LRRC37A3: variants seen among roughly 807,000 people sequenced by gnomAD.
LRRC37A3 encodes leucine-rich repeat-containing protein 37A3.
A neutral mutation model predicts 106.2 loss-of-function variants in LRRC37A3; 25 were observed. That is an observed-to-expected ratio of 0.24 (90% CI 0.17 to 0.33). The LOEUF (loss-of-function observed/expected upper bound fraction) is 0.33, where lower values mean the gene tolerates loss of function less well. Ranked by LOEUF, LRRC37A3 falls within the 10% of genes least tolerant of loss-of-function variation. The pLI is 1.00. For synonymous variants in LRRC37A3, 305 were observed against 635.8 expected, an observed-to-expected ratio of 0.48 and a Z score of 7.83; for missense variants, 712 against 1,644.9, an observed-to-expected ratio of 0.43 and a Z score of 9.81.
intron 10 of LRRC37A3, among the ~76,000 whole-genome samples, chr17:64,866,113 G>A (rs897312851): frequency 2.0e-4 from 31 of 151,764 alleles, no homozygotes; most frequent in Non-Finnish European, 2.9e-4. Context: ...ATGTCTTTAT[G>A]GCCTTGGTGA....
intron 2 of LRRC37A3, among the ~76,000 whole-genome samples, chr17:64,917,281 T>G (rs1454511969): frequency 7.5e-6 from 1 of 133,580 alleles, no homozygotes; most frequent in African/African-American, 2.8e-5. Flanking sequence ...CCTGAAAATA[T>G]CAAGTGCTAG....
At chr17:64,859,204 G>C (rs373642863) in intron 12 of LRRC37A3, among the ~76,000 whole-genome samples, 7 of 152,032 alleles carry the variant, frequency 4.6e-5, no homozygotes, top group African/African-American at 1.7e-4. Context: ...CACCCACCTT[G>C]GCCTCCCAAA....
chr17:64,887,232 G>A (rs1366593268), intron 6 of LRRC37A3, among the ~76,000 whole-genome samples: 2 of 8,170 alleles, frequency 2.4e-4, no homozygotes, highest in Non-Finnish European at 4.5e-4. Context: ...TAGTCGGGCC[G>A]GGTGCGGTGG....
Position 64,860,467 on chromosome 17 carries a change from C to T in LRRC37A3, c.3679G>A (p.Ala1227Thr), listed in dbSNP as rs1465290776. 6.2e-7 allele frequency: 1 copy of T among 1,613,554 alleles called. No homozygotes were observed. The highest frequency in any genetic ancestry group is 1.3e-5 in the African/African-American group (1 of 74,870). The change falls in exon 12 of 15, where the codon GCG becomes ACG. Residue 1227 changes from alanine (A) to threonine (T), a missense_variant. Ala to Thr is a moderately conservative substitution (Grantham distance 58). Coordinates refer to ENST00000584306, the MANE Select transcript of LRRC37A3 (RefSeq NM_199340.5). ...GGCTTGGTGTAGACGGCGTTTCCCG[C>T]TAACTTCTCAGGCCCCTGCTGTGTG... ...PHTQQGPEKL[A>T]GNAVYTKPSF... is the part of the protein sequence containing the mutation.
chr17:64,872,125 C>T (rs1443469764), intron 8 of LRRC37A3, among the ~76,000 whole-genome samples: 3 of 109,506 alleles, frequency 2.7e-5, no homozygotes, highest in East Asian at 2.8e-4. Flanking sequence ...GAGTGAGACT[C>T]TGTCTCAAAA....
chr17:64,868,570 G>A (rs1422737790), intron 9 of LRRC37A3, 34 bp from the exon 10 acceptor site: 2 of 1,572,776 alleles, frequency 1.3e-6, no homozygotes, highest in African/African-American at 1.4e-5. Flanking sequence ...CATGATATGA[G>A]CCCCAATAAA....
Position 64,857,706 on chromosome 17 carries a change from A to G in LRRC37A3, c.4809+1073T>C, listed in dbSNP as rs1409359929. 3.9e-5 allele frequency among the ~76,000 whole-genome samples: 6 copies of G among 152,278 alleles called. No homozygotes were observed. The East Asian group carries it at 1.2e-3, about 29-fold the overall frequency. On this transcript the variant is annotated intron_variant, in intron 13 of 14. Coordinates refer to ENST00000584306, the MANE Select transcript of LRRC37A3 (RefSeq NM_199340.5). ...TGGAATATTCAGGGAAGGTGTCAAG[A>G]AGAAAGATGAACTTGAGTTGGCTTT...
chr17:64,882,061 AG>A (rs1294702151), intron 8 of LRRC37A3, among the ~76,000 whole-genome samples: 1 of 144,774 alleles, frequency 6.9e-6, no homozygotes, highest in Non-Finnish European at 1.5e-5. Context: ...GCCACTTATT[AG>A]CCGTGTGAAC....
At chr17:64,855,385 G>C (rs1333548002) in intron 14 of LRRC37A3, among the ~76,000 whole-genome samples, 1 of 150,040 alleles carries the variant, frequency 6.7e-6, no homozygotes, top group African/African-American at 2.5e-5. Flanking sequence ...GAAGGCCCCT[G>C]GCCTGGCCTG....
rs756038778 is a variant in LRRC37A3, at chr17:64,860,138, C to G, written c.4008G>C (p.Leu1336=). 1 of 1,613,948 alleles carries G rather than the reference C, an allele frequency of 6.2e-7. No individual in the cohort carries two copies. Among genetic ancestry groups the G allele is most frequent in the South Asian group, 1.1e-5 (1 of 91,080 alleles). ...KVRKKSYLSR[L]MLSNRLPFSA... is the part of the protein sequence containing the mutation. ...AGAACGGAAGCCTGTTTGAGAGCAT[C>G]AGTCTACTCAGATAACTTTTCTTTC... The change falls in exon 12 of 15, where the codon CTG becomes CTC. Residue 1336 remains leucine (L), a synonymous_variant. Coordinates refer to ENST00000584306, the MANE Select transcript of LRRC37A3 (RefSeq NM_199340.5).
intron 12 of LRRC37A3, 29 bp from the exon 13 acceptor site, chr17:64,858,912 TAACTATTCAA>T: frequency 6.8e-7 from 1 of 1,468,178 alleles, no homozygotes; most frequent in Admixed American, 1.8e-5. Context: ...GAATGAGAGC[TAACTATTCAA>T]AACCCCAGTA....
intron 8 of LRRC37A3, among the ~76,000 whole-genome samples, chr17:64,883,196 A>C (rs984365720): frequency 6.6e-6 from 1 of 152,156 alleles, no homozygotes; most frequent in Non-Finnish European, 1.5e-5. Flanking sequence ...CCTTTCCCCA[A>C]TGCAAAACCT....
At chr17:64,910,328 C>T (rs1241853738) in intron 2 of LRRC37A3, 8 of 152,350 alleles carry the variant, frequency 5.3e-5, no homozygotes, top group East Asian at 1.9e-4. Flanking sequence ...TCCATGACAG[C>T]GTGAGCACAA....
chr17:64,872,636 C>T (rs1375011026), intron 8 of LRRC37A3, among the ~76,000 whole-genome samples: 1 of 152,114 alleles, frequency 6.6e-6, no homozygotes, highest in Admixed American at 6.5e-5. Flanking sequence ...CAATGAATAA[C>T]AGTTTGGGGG....
Position 64,881,075 on chromosome 17 carries a change from T to C in LRRC37A3, c.2906+5011A>G, listed in dbSNP as rs541704512. Reference sequence around the variant, plus strand: ...CCCTCACCCAATATGCGCGATGTACTTGGGGAGAAAGTAACCTCTTTCCTT... The same window carrying C: ...CCCTCACCCAATATGCGCGATGTACCTGGGGAGAAAGTAACCTCTTTCCTT... On this transcript the variant is annotated intron_variant, in intron 8 of 14. Transcript: ENST00000584306. 8.6e-6 allele frequency: 6 copies of C among 700,646 alleles called. No homozygotes were observed. In the Admixed American group the frequency reaches 1.0e-4, roughly 12 times the overall value. The allele number at this position is 700,646 out of a possible 1,614,324, so 43.4% of individuals were successfully genotyped here.
At chr17:64,875,124 A>T (rs1183647511) in intron 8 of LRRC37A3, among the ~76,000 whole-genome samples, 1 of 151,924 alleles carries the variant, frequency 6.6e-6, no homozygotes, top group Non-Finnish European at 1.5e-5. Flanking sequence ...AAACAACAAC[A>T]AAAAAAACTG....
chr17:64,868,504 G>A lies in LRRC37A3; in HGVS notation c.3011C>T (p.Thr1004Ile). The A allele has an allele frequency of 6.2e-7, 1 of 1,610,680 alleles. No homozygotes were observed. Among genetic ancestry groups the A allele is most frequent in the East Asian group, 2.2e-5 (1 of 44,838 alleles). Residue 1004 changes from threonine to isoleucine, a missense_variant, in exon 10 of 15, where the codon ACA (threonine) becomes ATA (isoleucine). Transcript: ENST00000584306. ...AGTCATCATGAGAATGTTCTTAAGT[G>A]TTGTAAGTGGGACTAGCGTTGTTCC... ...DMGTTLVPLT[T>I]LKNILMMTVE... is the part of the protein sequence containing the mutation.
Position 64,858,105 on chromosome 17 carries a change from G to A in LRRC37A3, c.4809+674C>T, listed in dbSNP as rs1225195944. 6.6e-5 allele frequency among the ~76,000 whole-genome samples: 10 copies of A among 152,146 alleles called. 1 individual carries two copies. Among genetic ancestry groups the A allele is most frequent in the Admixed American group, 6.5e-4 (10 of 15,282 alleles). ...CTTTAGGTAAGTTGATGCAAGCTGA[G>A]CATCTCTAATCTGAGGGGGAATGTC... On this transcript the variant is annotated intron_variant, in intron 13 of 14. Transcript: ENST00000584306.
intron 2 of LRRC37A3, chr17:64,901,049 T>C (rs1379691717): frequency 3.3e-5 from 5 of 150,864 alleles, no homozygotes; most frequent in Admixed American, 6.6e-5. Flanking sequence ...TTTAGAGACA[T>C]GGTCCCGCTT....
Sources: allele counts gnomAD v4.1 joint callset (sites outside exome capture counted in the v4.1 genomes callset), GRCh38; gene constraint gnomAD v4.1.1; transcripts MANE v1.5; gene names NCBI Gene and HGNC (gene_info 2026-07-23, HGNC 2026-07-21).